The following CEMIP variants were observed in gnomAD, a reference collection of about 807,000 sequenced individuals.
The protein encoded by CEMIP is cell migration-inducing and hyaluronan-binding protein.
In CEMIP, 105 loss-of-function variants were observed where a neutral mutation model predicts 156.9. That is an observed-to-expected ratio of 0.67 (90% CI 0.57 to 0.79). The LOEUF is 0.79. CEMIP is among the 30% of genes least tolerant of loss of function. The probability of loss-of-function intolerance (pLI) is 0.00; values close to 1 mark genes in which losing one functional copy is unlikely to be tolerated. For synonymous variants in CEMIP, 676 were observed against 668.4 expected (o/e 1.01, Z -0.17); for missense variants, 1,457 against 1,769.4 (o/e 0.82, Z 3.17).
chr15:80,913,331 C>A (rs1421890546), intron 14 of CEMIP, among the ~76,000 whole-genome samples: 6 of 152,240 alleles, frequency 3.9e-5, no homozygotes, highest in Admixed American at 3.9e-4. Context: ...TCTCTCTGAG[C>A]CTTGGTGATG....
chr15:80,873,296 A>G (rs1365455760), intron 1 of CEMIP, among the ~76,000 whole-genome samples: 1 of 152,248 alleles, frequency 6.6e-6, no homozygotes, highest in Admixed American at 6.5e-5. Flanking sequence ...AAGAGGGCTT[A>G]TAACATGTGG....
intron 12 of CEMIP, chr15:80,901,056 TACCA>T (rs1167315220): frequency 2.3e-6 from 1 of 441,364 alleles, no homozygotes; most frequent in Non-Finnish European, 4.6e-6. Flanking sequence ...ACAGTATGAT[TACCA>T]ACACCTCACA....
Position 80,909,100 on chromosome 15 carries a change from G to T in CEMIP, c.1591G>T (p.Ala531Ser). 2 of 1,613,798 alleles carry T rather than the reference G, an allele frequency of 1.2e-6. No homozygotes were observed. The highest frequency in any genetic ancestry group is 4.5e-5 in the East Asian group (2 of 44,870). ...ACTCTCGGTTCTCCTCTCCTAGTTT[G>T]CTCTGGGATTTAAGGCAGCACACTT... Reference protein sequence around the residue: ...FDTFGGHIKFALGFKAAHLEG... With the variant: ...FDTFGGHIKFSLGFKAAHLEG... Residue 531 changes from alanine to serine, a missense_variant, in exon 14 of 30, where the codon GCT becomes TCT. Ala to Ser is a moderately conservative substitution (Grantham distance 99, BLOSUM62 1). This residue lies in a region of CEMIP where 280 missense variants were observed against 300.3 expected (regional missense o/e 0.93). Transcript: ENST00000394685.
chr15:80,936,691 C>T lies in CEMIP; in HGVS notation c.3027C>T (p.Tyr1009=), dbSNP rs1179872533. The T allele has an allele frequency of 1.9e-6, 3 of 1,613,892 alleles. No individual in the cohort carries two copies. The highest frequency in any genetic ancestry group is 1.3e-5 in the African/African-American group (1 of 74,944). Residue 1009 remains tyrosine (Y), a synonymous_variant, in exon 24 of 30, where the codon TAC becomes TAT. Coordinates refer to ENST00000394685, the MANE Select transcript of CEMIP (RefSeq NM_001293298.2). ...TTTAAAAGATGTACATTCAAGCCTA[C>T]AAGACCAGTAACCTGCGAATGAAGA... ...GCYAQMYIQA[Y]KTSNLRMKII...
chr15:80,839,223 T>C (rs752757841), intron 1 of CEMIP, among the ~76,000 whole-genome samples: 4 of 151,310 alleles, frequency 2.6e-5, no homozygotes, highest in Non-Finnish European at 5.9e-5. Flanking sequence ...TCGCATTCCA[T>C]AGCACAGGAA....
intron 16 of CEMIP, 34 bp from the exon 17 acceptor site, chr15:80,921,975 G>A (rs1256020642): frequency 4.3e-6 from 7 of 1,613,328 alleles, no homozygotes; most frequent in Admixed American, 3.3e-5. Context: ...GGGGCTGAAC[G>A]CTGTGGCTTT....
rs542037025 is a variant in CEMIP, at chr15:80,843,798, C to A, written c.-175-29740C>A. On this transcript the variant is annotated intron_variant, in intron 1 of 29. Transcript: ENST00000394685. ...CTCTTCCTCTGGGTGCTCTGTCACC[C>A]AGCCCCCAGCAGCCCACCCAGGTGT... Among the ~76,000 whole-genome samples, 3 of 152,300 alleles carry A rather than the reference C, an allele frequency of 2.0e-5. No individual in the cohort carries two copies. The East Asian group carries it at 5.8e-4, about 29-fold the overall frequency.
chr15:80,888,896 A>C, intron 9 of CEMIP, 100 bp downstream of exon 9: 2 of 1,092,258 alleles, frequency 1.8e-6, no homozygotes, highest in Non-Finnish European at 2.8e-6. Flanking sequence ...TACCAGTAGG[A>C]CCACTTTAAT....
Position 80,937,783 on chromosome 15 carries a change from TC to T in CEMIP, c.3222-9del. On this transcript the variant is annotated splice_polypyrimidine_tract_variant and intron_variant, in intron 24 of 29. Transcript: ENST00000394685. The stretch of plus-strand genomic sequence containing the variant: ...CCCTTGCTTGTAACCTGACTCTACT[TC>T]CAATCCTAGGGGCGACTGGATCCGA... 6.2e-7 allele frequency: 1 copy of T among 1,614,118 alleles called. No homozygotes were observed.
intron 1 of CEMIP, among the ~76,000 whole-genome samples, chr15:80,830,511 T>C (rs1412418259): frequency 6.6e-6 from 1 of 152,188 alleles, no homozygotes; most frequent in Non-Finnish European, 1.5e-5. Context: ...CCCAGAGCCC[T>C]GGAGCTCAAT....
At chr15:80,835,557 T>C (rs564866191) in intron 1 of CEMIP, among the ~76,000 whole-genome samples, 18 of 152,372 alleles carry the variant, frequency 1.2e-4, no homozygotes, top group Admixed American at 1.0e-3. Flanking sequence ...AGGAAGCAGT[T>C]TGTCTCAAAC....
intron 1 of CEMIP, among the ~76,000 whole-genome samples, chr15:80,792,823 A>C (rs996178607): frequency 6.6e-6 from 1 of 152,146 alleles, no homozygotes; most frequent in African/African-American, 2.4e-5. Flanking sequence ...GGTGTCTGTC[A>C]AGCTCAACAC....
Position 80,941,858 on chromosome 15 carries a change from C to A in CEMIP, c.3417C>A (p.Phe1139Leu), listed in dbSNP as rs762046944. 6.2e-7 allele frequency: 1 copy of A among 1,613,450 alleles called. No homozygotes were observed. The highest frequency in any genetic ancestry group is 2.2e-5 in the East Asian group (1 of 44,858). Residue 1139 changes from phenylalanine (F) to leucine (L), a missense_variant, in exon 26 of 30, where the codon TTC (phenylalanine) becomes TTA (leucine). By Grantham distance (22) the Phe-to-Leu change is conservative. Transcript: ENST00000394685. ...TGCTCCTTGTGTGCAGGCTGTTGTT[C>A]CTGAAGCTGAAAGCTCAGAACGAGA... ...YYWDEDSGLL[F>L]LKLKAQNERE...
chr15:80,937,917 G>T lies in CEMIP; in HGVS notation c.3345G>T (p.Gln1115His), dbSNP rs1178072169. 2 of 1,614,118 alleles carry T rather than the reference G, an allele frequency of 1.2e-6. No homozygotes were observed. Among genetic ancestry groups the T allele is most frequent in the African/African-American group, 2.7e-5 (2 of 74,940 alleles). The part of the protein sequence containing the change: ...SKTGVFVRTL[Q>H]MDKVEQSYPG... ...CGGGCGTCTTCGTGAGGACCTTGCAGATGGACAAAGTGGAGCAGAGCTACC... is the reference window on the plus strand; with the variant it reads ...CGGGCGTCTTCGTGAGGACCTTGCATATGGACAAAGTGGAGCAGAGCTACC... Residue 1115 changes from glutamine to histidine, a missense_variant, in exon 25 of 30, where the codon CAG becomes CAT. Gln to His is a conservative substitution (Grantham distance 24). Around this residue, in one of 5 missense-constraint regions of CEMIP, gnomAD observed 798 missense variants for 980.1 expected, o/e 0.81. Coordinates refer to ENST00000394685, the MANE Select transcript of CEMIP (RefSeq NM_001293298.2).
At chr15:80,827,535 C>T (rs1213193967) in intron 1 of CEMIP, among the ~76,000 whole-genome samples, 3 of 152,080 alleles carry the variant, frequency 2.0e-5, no homozygotes, top group Non-Finnish European at 2.9e-5. Context: ...AGGAGAAACT[C>T]TTGAACCCGG....
At chr15:80,924,410 A>T (rs950621071) in intron 17 of CEMIP, among the ~76,000 whole-genome samples, 3 of 152,196 alleles carry the variant, frequency 2.0e-5, no homozygotes, top group Admixed American at 1.3e-4. Flanking sequence ...CTCCTCAAAG[A>T]GGTCAAATAT....
At chr15:80,837,839 C>T (rs1897299587) in intron 1 of CEMIP, among the ~76,000 whole-genome samples, 1 of 152,236 alleles carries the variant, frequency 6.6e-6, no homozygotes, top group Non-Finnish European at 1.5e-5. Flanking sequence ...TAATCCCTCC[C>T]CACCTGGAGG....
intron 1 of CEMIP, among the ~76,000 whole-genome samples, chr15:80,859,016 C>A (rs960436599): frequency 6.6e-6 from 1 of 152,236 alleles, no homozygotes; most frequent in African/African-American, 2.4e-5. Flanking sequence ...GTGGCCCCAG[C>A]AACTCCAGGC....
rs1472858253 is a variant in CEMIP, at chr15:80,947,070, G to A, written c.3958+5G>A. ...ACAGGGGTCTCAAGTTGAAAGGTAA[G>A]GGTTTGAACTGGGGTTTAAACTGAC... On this transcript the variant is annotated splice_donor_5th_base_variant and intron_variant, in intron 29 of 29. Coordinates refer to ENST00000394685, the MANE Select transcript of CEMIP (RefSeq NM_001293298.2). 6.3e-7 allele frequency: 1 copy of A among 1,598,730 alleles called. No homozygotes were observed. The highest frequency in any genetic ancestry group is 8.6e-7 in the Non-Finnish European group (1 of 1,166,144).
Sources: allele counts gnomAD v4.1 joint callset (sites outside exome capture counted in the v4.1 genomes callset), GRCh38; gene constraint gnomAD v4.1.1; regional missense constraint gnomAD v4.1.1; transcripts MANE v1.5; gene names NCBI Gene and HGNC (gene_info 2026-07-23, HGNC 2026-07-21).